TULP3: variants seen among roughly 807,000 people sequenced by gnomAD.
TULP3 encodes tubby-related protein 3.
In TULP3, 38 loss-of-function variants were observed where a neutral mutation model predicts 50.7. That is an observed-to-expected ratio of 0.75 (90% CI 0.58 to 0.98). The LOEUF is 0.98. TULP3 is among the 50% of genes least tolerant of loss of function. The probability of loss-of-function intolerance (pLI) is 0.00; values close to 1 mark genes in which losing one functional copy is unlikely to be tolerated. For missense variants in TULP3, 550 were observed against 568.0 expected (o/e 0.97, Z 0.32); for synonymous variants, 183 against 196.6 (o/e 0.93, Z 0.58).
At chr12:2,919,584 A>G (rs1262214651) in intron 2 of TULP3, among the ~76,000 whole-genome samples, 1 of 152,154 alleles carries the variant, frequency 6.6e-6, no homozygotes, top group African/African-American at 2.4e-5. Context: ...AACAGTAGTA[A>G]GTGGGTTATA....
At chr12:2,903,199 G>GA (rs915233087) in intron 1 of TULP3, among the ~76,000 whole-genome samples, 1 of 150,260 alleles carries the variant, frequency 6.7e-6, no homozygotes, top group African/African-American at 2.4e-5. Context: ...CCACAACAAT[G>GA]AAAAAAAAAT....
chr12:2,897,771 TAAAAAAAA>T (rs71057851), intron 1 of TULP3, among the ~76,000 whole-genome samples: 1 of 125,784 alleles, frequency 8.0e-6, no homozygotes, highest in Non-Finnish European at 1.6e-5. Flanking sequence ...CCCTGTCTCT[TAAAAAAAA>T]AAAAAAAAAA....
intron 2 of TULP3, among the ~76,000 whole-genome samples, chr12:2,915,775 A>G (rs1591529940): frequency 6.6e-6 from 1 of 151,294 alleles, no homozygotes; most frequent in African/African-American, 2.4e-5. Flanking sequence ...CAATCCTTTG[A>G]CCTCGTGATC....
intron 1 of TULP3, among the ~76,000 whole-genome samples, chr12:2,905,784 G>A (rs922590761): frequency 2.6e-5 from 4 of 151,790 alleles, no homozygotes; most frequent in Admixed American, 6.6e-5. Flanking sequence ...TAAGAGAAAC[G>A]TTTGAAAACT....
intron 2 of TULP3, among the ~76,000 whole-genome samples, chr12:2,913,402 C>CA (rs2098186829): frequency 1.3e-5 from 2 of 151,326 alleles, no homozygotes; most frequent in Admixed American, 6.6e-5. Context: ...CATGCACGAC[C>CA]ACACTTGGCT....
At chr12:2,914,650 TGAG>T (rs1445239533) in intron 2 of TULP3, among the ~76,000 whole-genome samples, 4 of 152,170 alleles carry the variant, frequency 2.6e-5, no homozygotes, top group African/African-American at 4.8e-5. Flanking sequence ...TTCTTGTTTT[TGAG>T]GAGAAGTCTT....
intron 2 of TULP3, among the ~76,000 whole-genome samples, chr12:2,915,576 G>A (rs2098188157): frequency 6.9e-6 from 1 of 145,376 alleles, no homozygotes; most frequent in African/African-American, 2.6e-5. Context: ...GTCTCGTTCT[G>A]TCGCCAGGCT....
chr12:2,903,225 T>A (rs748198910), intron 1 of TULP3, among the ~76,000 whole-genome samples: 2 of 152,164 alleles, frequency 1.3e-5, no homozygotes, highest in Non-Finnish European at 2.9e-5. Flanking sequence ...AAATGTATAT[T>A]TTCTTTTTTT....
chr12:2,905,108 G>C (rs1364546448), intron 1 of TULP3, among the ~76,000 whole-genome samples: 3 of 148,454 alleles, frequency 2.0e-5, no homozygotes, highest in Non-Finnish European at 4.4e-5. Flanking sequence ...TATTAAATCA[G>C]AAAAATGTAA....
chr12:2,893,482 G>A (rs538890293), intron 1 of TULP3, among the ~76,000 whole-genome samples: 43 of 151,932 alleles, frequency 2.8e-4, no homozygotes, highest in Non-Finnish European at 3.8e-4. Context: ...CACCGTGCCC[G>A]GCTAATTTTT....
intron 2 of TULP3, among the ~76,000 whole-genome samples, chr12:2,916,023 A>T (rs1306399784): frequency 6.6e-6 from 1 of 151,880 alleles, no homozygotes; most frequent in Admixed American, 6.6e-5. Context: ...ATGAAGTTTT[A>T]TTTATTTTGA....
chr12:2,930,350 G>A lies in TULP3; in HGVS notation c.492+5G>A, dbSNP rs2098197249. 1 of 1,600,072 alleles carries A rather than the reference G, an allele frequency of 6.2e-7. No homozygotes were observed. The highest frequency in any genetic ancestry group is 2.2e-5 in the East Asian group (1 of 44,672). On this transcript the variant is annotated splice_donor_5th_base_variant and intron_variant, in intron 5 of 10. Transcript: ENST00000448120. ...GCATCAAGCCAGAATTCAACCGTATGTAGTTCTGAAACTTCTTCCATTAGA... is the reference window on the plus strand; with the variant it reads ...GCATCAAGCCAGAATTCAACCGTATATAGTTCTGAAACTTCTTCCATTAGA...
At chr12:2,898,357 G>T (rs898663779) in intron 1 of TULP3, among the ~76,000 whole-genome samples, 1 of 152,068 alleles carries the variant, frequency 6.6e-6, no homozygotes, top group South Asian at 2.1e-4. Context: ...TTCAGATGGG[G>T]TCTTGCTTTG....
chr12:2,909,483 G>T (rs1209019189), intron 1 of TULP3, 46 bp from the exon 2 acceptor site: 1 of 1,524,116 alleles, frequency 6.6e-7, no homozygotes, highest in Non-Finnish European at 8.9e-7. Context: ...AATTGACAAG[G>T]CGTTTTCTTT....
chr12:2,938,575 C>T (rs1169793066), intron 10 of TULP3, among the ~76,000 whole-genome samples: 1 of 151,894 alleles, frequency 6.6e-6, no homozygotes, highest in East Asian at 1.9e-4. Flanking sequence ...GTGGGCAGAT[C>T]GCTTGAGACC....
intron 2 of TULP3, among the ~76,000 whole-genome samples, chr12:2,917,855 T>G (rs1166027030): frequency 6.6e-6 from 1 of 150,582 alleles, no homozygotes; most frequent in South Asian, 2.1e-4. Context: ...CCAGCCTGTG[T>G]GACAGTGCAA....
chr12:2,901,004 G>A (rs1023151546), intron 1 of TULP3, among the ~76,000 whole-genome samples: 9 of 151,600 alleles, frequency 5.9e-5, no homozygotes, highest in African/African-American at 2.2e-4. Flanking sequence ...ACTGTGCCTG[G>A]CCATGTTGTG....
intron 8 of TULP3, among the ~76,000 whole-genome samples, chr12:2,936,549 G>A (rs1052604404): frequency 6.7e-6 from 1 of 150,038 alleles, no homozygotes; most frequent in Non-Finnish European, 1.5e-5. Flanking sequence ...TCGGGAATTC[G>A]AGACCAACAT....
At position 2,937,200 on chromosome 12, in the gene TULP3, ATTTTTTTTTTTTTTTTTT is replaced by A. The variant is rs771074689; in HGVS notation, c.925-417_925-400del. ...AATAAAATTATTTTTGGTACACCTGATTTTTTTTTTTTTTTTTTTTTTTTTTTTTTTCTGAGGCAGAGT... is the reference window on the plus strand; with the variant it reads ...AATAAAATTATTTTTGGTACACCTGATTTTTTTTTTTTTCTGAGGCAGAGT... On this transcript the variant is annotated intron_variant, in intron 8 of 10. Transcript: ENST00000448120. Among the ~76,000 whole-genome samples the A allele has an allele frequency of 5.1e-3, 280 of 54,484 alleles. 3 individuals carry two copies. The highest frequency in any genetic ancestry group is 0.019 in the African/African-American group (256 of 13,472). 35.7% of individuals were successfully genotyped at this position (54,484 alleles called of 152,430 possible).
Sources: gnomAD v4.1 joint callset for allele counts (sites outside exome capture counted in the v4.1 genomes callset) on GRCh38, gnomAD v4.1.1 for gene constraint, MANE v1.5 for transcripts, NCBI Gene and HGNC (gene_info 2026-07-23, HGNC 2026-07-21) for gene names.